CSMD3: variants seen among roughly 807,000 people sequenced by gnomAD.
CSMD3 encodes the protein CUB and Sushi multiple domains 3.
CSMD3 carries 177 observed loss-of-function variants against 435.2 expected under a neutral mutation model. The observed-to-expected ratio is 0.41, with a 90% CI of 0.36 to 0.46. The LOEUF (loss-of-function observed/expected upper bound fraction) is 0.46. Ranked by LOEUF, CSMD3 falls within the 20% of genes least tolerant of loss-of-function variation. The pLI is 0.34. For missense variants in CSMD3, 4,265 were observed against 4,504.6 expected (o/e 0.95, Z 1.52); for synonymous variants, 1,656 against 1,520.5 (o/e 1.09, Z -2.07).
At chr8:112,837,831 T>C (rs1363947260) in intron 11 of CSMD3, among the ~76,000 whole-genome samples, 1 of 151,778 alleles carries the variant, frequency 6.6e-6, no homozygotes, top group East Asian at 1.9e-4. Context: ...TAACAATTAT[T>C]TTTGCTCCCC....
chr8:113,051,262 G>A (rs1587970317), intron 5 of CSMD3, among the ~76,000 whole-genome samples: 1 of 152,138 alleles, frequency 6.6e-6, no homozygotes, highest in East Asian at 1.9e-4. Context: ...TGCTTCCAGT[G>A]AGAACAACAC....
chr8:112,275,640 C>T lies in CSMD3; in HGVS notation c.9508+5534G>A, dbSNP rs558835582. ...CAATCATGGCAGAAGGTGGAAGGCA[C>T]ATCTTACATGGTGGCAGGCAAGAAA... On this transcript the variant is annotated intron_variant, in intron 59 of 70. Transcript: ENST00000297405. 2.6e-5 allele frequency among the ~76,000 whole-genome samples: 4 copies of T among 152,222 alleles called. No individual in the cohort carries two copies. The East Asian group carries it at 7.7e-4, about 29-fold the overall frequency.
chr8:113,049,383 A>T (rs975219925), intron 5 of CSMD3, among the ~76,000 whole-genome samples: 10 of 149,412 alleles, frequency 6.7e-5, no homozygotes, highest in Non-Finnish European at 1.3e-4. Flanking sequence ...GCACTCTTTG[A>T]TTTTCTCTGT....
At chr8:113,086,173 T>C (rs1233381848) in intron 5 of CSMD3, among the ~76,000 whole-genome samples, 3 of 149,674 alleles carry the variant, frequency 2.0e-5, no homozygotes, top group Non-Finnish European at 3.0e-5. Flanking sequence ...GGAGTGTACC[T>C]GGGAGGCGGA....
Position 112,582,405 on chromosome 8 carries a change from A to G in CSMD3, c.3885+4661T>C, listed in dbSNP as rs545981265. 6.6e-4 allele frequency among the ~76,000 whole-genome samples: 100 copies of G among 151,982 alleles called. 1 individual carries two copies. In the Middle Eastern group the frequency reaches 0.01, roughly 16 times the overall value. On this transcript the variant is annotated intron_variant, in intron 23 of 70. Coordinates refer to ENST00000297405, the MANE Select transcript of CSMD3 (RefSeq NM_198123.2). ...CAGCTTCAGGTATTTCTTTATAGCA[A>G]TGTAAAAAAAAAAGAGGGAGGCCTA...
intron 13 of CSMD3, among the ~76,000 whole-genome samples, chr8:112,731,033 A>G (rs1300285050): frequency 6.6e-6 from 1 of 152,124 alleles, no homozygotes; most frequent in Non-Finnish European, 1.5e-5. Flanking sequence ...TGACCCTTTA[A>G]TTATTTAGCT....
rs372280409 is a variant in CSMD3 at position 113,238,156 on chromosome 8, C to G, written c.514+40436G>C. The stretch of plus-strand genomic sequence containing the variant: ...GAATTATGCCTACTCAGTAGAGATA[C>G]CACATTTGTTTTTAGTTCTGCATAT... On this transcript the variant is annotated intron_variant, in intron 3 of 70. Transcript: ENST00000297405. 4.0e-5 allele frequency among the ~76,000 whole-genome samples: 6 copies of G among 151,272 alleles called. No individual in the cohort carries two copies. The East Asian group carries it at 7.8e-4, about 20-fold the overall frequency.
intron 5 of CSMD3, among the ~76,000 whole-genome samples, chr8:113,021,973 G>A (rs1439838766): frequency 6.6e-6 from 1 of 152,186 alleles, no homozygotes; most frequent in Non-Finnish European, 1.5e-5. Context: ...TCTGCCACCA[G>A]AGAGAAATAT....
rs148370497 is a variant in CSMD3, at chr8:112,406,615, T to G, written c.5718A>C (p.Pro1906=). 1.2e-6 allele frequency: 2 copies of G among 1,612,824 alleles called. No individual in the cohort carries two copies. Among genetic ancestry groups the G allele is most frequent in the South Asian group, 2.2e-5 (2 of 91,072 alleles). ...VGSSVLFDCN[P]GYILHGSIAI... is the part of the protein sequence containing the mutation. ...CTATGGATCCATGGAGAATATATCC[T>G]GGATTACAATCAAAAAGAACCGATG... The change falls in exon 35 of 71, where the codon CCA becomes CCC. Residue 1906 remains proline (P), a synonymous_variant. Transcript: ENST00000297405.
At chr8:112,840,074 C>T (rs546402704) in intron 11 of CSMD3, among the ~76,000 whole-genome samples, 1 of 151,662 alleles carries the variant, frequency 6.6e-6, no homozygotes, top group South Asian at 2.1e-4. Flanking sequence ...TCTATGTCTT[C>T]CTGGACAAGC....
At chr8:113,395,246 T>C (rs2094477817) in intron 1 of CSMD3, among the ~76,000 whole-genome samples, 1 of 152,182 alleles carries the variant, frequency 6.6e-6, no homozygotes, top group Non-Finnish European at 1.5e-5. Context: ...CAGTAATGCT[T>C]CCATAATGAG....
intron 61 of CSMD3, among the ~76,000 whole-genome samples, chr8:112,259,107 G>T (rs1192274860): frequency 6.6e-6 from 1 of 151,918 alleles, no homozygotes; most frequent in African/African-American, 2.4e-5. Context: ...ATACCCAAAG[G>T]ATTATAAATC....
At chr8:113,432,219 T>C (rs1198369919) in intron 1 of CSMD3, among the ~76,000 whole-genome samples, 3 of 152,268 alleles carry the variant, frequency 2.0e-5, no homozygotes, top group Middle Eastern at 6.8e-3. Context: ...ACAAGCTAAC[T>C]GTCCAGTGAA....
intron 1 of CSMD3, among the ~76,000 whole-genome samples, chr8:113,358,344 T>C (rs1225449962): frequency 6.6e-6 from 1 of 152,148 alleles, no homozygotes; most frequent in East Asian, 1.9e-4. Flanking sequence ...CATAGTAGTG[T>C]TTTTAAAAAT....
intron 27 of CSMD3, among the ~76,000 whole-genome samples, chr8:112,549,992 C>G (rs1790935375): frequency 6.6e-6 from 1 of 151,958 alleles, no homozygotes; most frequent in Admixed American, 6.6e-5. Flanking sequence ...TGTGCATTAA[C>G]AAGTTAAAAC....
chr8:113,269,523 C>T (rs1355612344), intron 3 of CSMD3, among the ~76,000 whole-genome samples: 7 of 152,124 alleles, frequency 4.6e-5, no homozygotes, highest in Non-Finnish European at 1.0e-4. Context: ...GCCAAAAGAT[C>T]AAAGCTGGAG....
chr8:112,680,494 C>T (rs2075864921), intron 16 of CSMD3, among the ~76,000 whole-genome samples: 1 of 152,172 alleles, frequency 6.6e-6, no homozygotes, highest in Non-Finnish European at 1.5e-5. Flanking sequence ...CTAAGTATTA[C>T]TATCCATATT....
At chr8:112,918,337 C>T (rs1015881248) in intron 10 of CSMD3, among the ~76,000 whole-genome samples, 7 of 151,892 alleles carry the variant, frequency 4.6e-5, no homozygotes, top group South Asian at 2.1e-4. Flanking sequence ...TTCTCATCCT[C>T]CCTTAATTAC....
chr8:113,378,344 A>T (rs2094398710), intron 1 of CSMD3, among the ~76,000 whole-genome samples: 1 of 152,228 alleles, frequency 6.6e-6, no homozygotes, highest in African/African-American at 2.4e-5. Context: ...TACGATAATG[A>T]AACAAACTTA....
Sources: allele counts gnomAD v4.1 joint callset (sites outside exome capture counted in the v4.1 genomes callset), GRCh38; gene constraint gnomAD v4.1.1; transcripts MANE v1.5; gene names NCBI Gene and HGNC (gene_info 2026-07-23, HGNC 2026-07-21).